The following RUNDC1 variants were observed in gnomAD, a reference collection of about 807,000 sequenced individuals.
RUNDC1 encodes RUN domain containing 1.
RUNDC1 carries 31 observed loss-of-function variants against 49.3 expected under a neutral mutation model. The ratio of observed to expected loss-of-function variants is 0.63; its 90% CI spans 0.47 to 0.85. RUNDC1 has a LOEUF of 0.85. Ranked by LOEUF, RUNDC1 falls within the 40% of genes least tolerant of loss-of-function variation. RUNDC1 has a pLI of 0.00. For synonymous variants in RUNDC1, 347 were observed against 348.6 expected, an observed-to-expected ratio of 1.00 and a Z score of 0.05; for missense variants, 715 against 806.7, an observed-to-expected ratio of 0.89 and a Z score of 1.38.
chr17:42,983,368 CTTTTTCCTTTTTTTTTTTTTTTTTT>C (rs2050128900), intron 1 of RUNDC1, among the ~76,000 whole-genome samples: 1 of 132,112 alleles, frequency 7.6e-6, no homozygotes, highest in Non-Finnish European at 1.6e-5. Flanking sequence ...CTTTTTTTTT[CTTTTTCCTTTTTTTTTTTTTTTTTT>C]TTGAGACAGA....
At chr17:42,985,659 A>G (rs2050161956) in intron 1 of RUNDC1, 23 of 823,628 alleles carry the variant, frequency 2.8e-5, no homozygotes, top group Non-Finnish European at 3.0e-5. Flanking sequence ...AGGGCTTGGT[A>G]AGTACCGTTT....
At chr17:42,982,886 C>T (rs1459585274) in intron 1 of RUNDC1, among the ~76,000 whole-genome samples, 4 of 151,122 alleles carry the variant, frequency 2.6e-5, no homozygotes, top group Non-Finnish European at 5.9e-5. Flanking sequence ...ACTCGGGAGG[C>T]TGAGGCAGGA....
At position 42,991,561 on chromosome 17, in the gene RUNDC1, T is replaced by A. The variant is rs1241228093; in HGVS notation, c.1687T>A (p.Ser563Thr). Residue 563 changes from serine to threonine, a missense_variant, in exon 5 of 5, where the codon TCA becomes ACA. Ser to Thr is a moderately conservative substitution (Grantham distance 58, BLOSUM62 1). Transcript: ENST00000361677. The part of the protein sequence containing the change: ...SWVNLICKSG[S>T]LIEPHYQPWS... ...GGTGAACCTCATCTGCAAGTCCGGG[T>A]CACTCATCGAGCCTCACTACCAGCC... 1 of 1,614,094 alleles carries A rather than the reference T, an allele frequency of 6.2e-7. No homozygotes were observed.
At chr17:42,984,470 AG>A (rs1328090983) in intron 1 of RUNDC1, among the ~76,000 whole-genome samples, 1 of 151,476 alleles carries the variant, frequency 6.6e-6, no homozygotes, top group Non-Finnish European at 1.5e-5. Context: ...GAGTAGAGAC[AG>A]GGTTTTGCCA....
rs2050262768 is a variant in RUNDC1, at chr17:42,992,837, GT to G, written c.*1122del. The G allele has an allele frequency of 6.6e-6, 1 of 152,190 alleles. No individual in the cohort carries two copies. The highest frequency in any genetic ancestry group is 1.5e-5 in the Non-Finnish European group (1 of 68,044). The allele number at this position is 152,190 out of a possible 1,614,324, so 9.4% of individuals were successfully genotyped here. A position where few individuals can be genotyped will look rare whatever the true frequency, so the allele number is the denominator to read the frequency against. On this transcript the variant is annotated 3_prime_UTR_variant, in exon 5 of 5. Coordinates refer to ENST00000361677, the MANE Select transcript of RUNDC1 (RefSeq NM_173079.5). ...AATACGAGTCCTTTTTCTTGTAGAG[GT>G]AAGTAAAATCTTCCTGACAAGGTAG...
Position 42,981,050 on chromosome 17 carries a change from GC to G in RUNDC1, c.476del (p.Pro159HisfsTer27). 1 of 1,561,738 alleles carries G rather than the reference GC, an allele frequency of 6.4e-7. No homozygotes were observed. ...AGGGCGATGGGCTGCCAGGGGACCGGCCATGGTTGCGGGGCGAGGACCAGGT... is the reference window on the plus strand; with the variant it reads ...AGGGCGATGGGCTGCCAGGGGACCGGCATGGTTGCGGGGCGAGGACCAGGT... ...DEGDGLPGDR[P>X]WLRGEDQSEQ... On this transcript the variant is annotated frameshift_variant, in exon 1 of 5. Coordinates refer to ENST00000361677, the MANE Select transcript of RUNDC1 (RefSeq NM_173079.5). LOFTEE classifies it high-confidence loss of function.
chr17:42,991,312 T>C lies in RUNDC1; in HGVS notation c.1438T>C (p.Tyr480His). 1 of 1,614,200 alleles carries C rather than the reference T, an allele frequency of 6.2e-7. No homozygotes were observed. Residue 480 changes from tyrosine to histidine, a missense_variant, in exon 5 of 5, where the codon TAC becomes CAC. Physicochemically the swap from Tyr to His is moderately conservative, Grantham distance 83. Coordinates refer to ENST00000361677, the MANE Select transcript of RUNDC1 (RefSeq NM_173079.5). ...MHPWELFVKY[Y>H]HAKNGRAYVE... ...CCCGTGGGAGCTCTTTGTAAAGTACTACCATGCTAAGAACGGCCGTGCTTA... is the reference window on the plus strand; with the variant it reads ...CCCGTGGGAGCTCTTTGTAAAGTACCACCATGCTAAGAACGGCCGTGCTTA...
chr17:42,987,437 T>A (rs1207922151), intron 2 of RUNDC1, 23 bp downstream of exon 2: 2 of 1,611,516 alleles, frequency 1.2e-6, no homozygotes, highest in East Asian at 2.2e-5. Context: ...CAGAGGAACC[T>A]CCACCACTGC....
At chr17:42,986,390 T>G (rs2050171645) in intron 1 of RUNDC1, among the ~76,000 whole-genome samples, 1 of 152,190 alleles carries the variant, frequency 6.6e-6, no homozygotes, top group African/African-American at 2.4e-5. Context: ...GTGCTGCAGT[T>G]ACAGGCGTGA....
rs769009435 is a variant in RUNDC1, at chr17:42,991,305, A to G, written c.1431A>G (p.Val477=). ...CCATGCACCCGTGGGAGCTCTTTGTAAAGTACTACCATGCTAAGAACGGCC... is the reference window on the plus strand; with the variant it reads ...CCATGCACCCGTGGGAGCTCTTTGTGAAGTACTACCATGCTAAGAACGGCC... The part of the protein sequence containing the change: ...PEAMHPWELF[V]KYYHAKNGRA... Residue 477 remains valine, a synonymous_variant, in exon 5 of 5, where the codon GTA becomes GTG. Coordinates refer to ENST00000361677, the MANE Select transcript of RUNDC1 (RefSeq NM_173079.5). The G allele has an allele frequency of 3.7e-6, 6 of 1,614,090 alleles. No homozygotes were observed. The highest frequency in any genetic ancestry group is 5.1e-6 in the Non-Finnish European group (6 of 1,180,016).
chr17:42,993,572 A>G lies in RUNDC1; in HGVS notation c.*1856A>G, dbSNP rs1342708686. 2 of 152,226 alleles carry G rather than the reference A, an allele frequency of 1.3e-5. No individual in the cohort carries two copies. Among genetic ancestry groups the G allele is most frequent in the African/African-American group, 2.4e-5 (1 of 41,458 alleles). 9.4% of individuals were successfully genotyped at this position (152,226 alleles called of 1,614,324 possible). A position where few individuals can be genotyped will look rare whatever the true frequency, so the allele number is the denominator to read the frequency against. ...GAAAATGATACATATGTGGATGCTA[A>G]TGAAATCATAGTATTTTGTGTAGCT... On this transcript the variant is annotated 3_prime_UTR_variant, in exon 5 of 5. Coordinates refer to ENST00000361677, the MANE Select transcript of RUNDC1 (RefSeq NM_173079.5).
intron 2 of RUNDC1, among the ~76,000 whole-genome samples, chr17:42,987,886 G>A (rs1419238331): frequency 6.6e-6 from 1 of 152,062 alleles, no homozygotes; most frequent in Non-Finnish European, 1.5e-5. Flanking sequence ...CCAAGTAACT[G>A]GGATTATAGG....
chr17:42,989,598 C>A, intron 3 of RUNDC1, 59 bp downstream of exon 3: 1 of 1,457,386 alleles, frequency 6.9e-7, no homozygotes, highest in Non-Finnish European at 9.6e-7. Context: ...TATACTTATT[C>A]TAAGTACTAG....
At chr17:42,990,776 C>T in intron 4 of RUNDC1, 75 bp from the exon 5 acceptor site, 1 of 1,498,548 alleles carries the variant, frequency 6.7e-7, no homozygotes, top group African/African-American at 1.4e-5. Flanking sequence ...AGACTGATCT[C>T]AGCCTGTGAT....
chr17:42,989,594 T>TAG, intron 3 of RUNDC1, 55 bp downstream of exon 3: 1 of 1,490,152 alleles, frequency 6.7e-7, no homozygotes, highest in Non-Finnish European at 9.3e-7. Flanking sequence ...TAATTATACT[T>TAG]ATTCTAAGTA....
chr17:42,991,564 C>G lies in RUNDC1; in HGVS notation c.1690C>G (p.Leu564Val), dbSNP rs1188985115. Reference protein sequence around the residue: ...WVNLICKSGSLIEPHYQPWSY... With the variant: ...WVNLICKSGSVIEPHYQPWSY... The stretch of plus-strand genomic sequence containing the variant: ...GAACCTCATCTGCAAGTCCGGGTCA[C>G]TCATCGAGCCTCACTACCAGCCCTG... The change falls in exon 5 of 5, where the codon CTC becomes GTC. Residue 564 changes from leucine to valine, a missense_variant. By Grantham distance (32) the Leu-to-Val change is conservative. Around this residue, in one of 5 missense-constraint regions of RUNDC1, gnomAD observed 425 missense variants for 499.7 expected, o/e 0.85. Coordinates refer to ENST00000361677, the MANE Select transcript of RUNDC1 (RefSeq NM_173079.5). The G allele has an allele frequency of 6.2e-7, 1 of 1,614,202 alleles. No individual in the cohort carries two copies.
At position 42,990,077 on chromosome 17, in the gene RUNDC1, G is replaced by A. The variant is rs144029379; in HGVS notation, c.857-240G>A. Among the ~76,000 whole-genome samples, 1,471 of 152,260 alleles carry A rather than the reference G, an allele frequency of 9.7e-3. 29 individuals carry two copies. The highest frequency in any genetic ancestry group is 0.034 in the African/African-American group (1,404 of 41,546). On this transcript the variant is annotated intron_variant, in intron 3 of 4. Transcript: ENST00000361677. ...TCATACTCATTGGTTTTATGTCCTTGAGCATGTTACTAACTCTTCAGTCTC... is the reference window on the plus strand; with the variant it reads ...TCATACTCATTGGTTTTATGTCCTTAAGCATGTTACTAACTCTTCAGTCTC...
At chr17:42,981,619 C>G (rs893057334) in intron 1 of RUNDC1, 1 of 152,444 alleles carries the variant, frequency 6.6e-6, no homozygotes, top group African/African-American at 2.4e-5. Flanking sequence ...AAACACAACT[C>G]TTGATTAGAT....
Position 42,980,916 on chromosome 17 carries a change from G to A in RUNDC1, c.340G>A (p.Gly114Arg), listed in dbSNP as rs1486300295. 6.5e-7 allele frequency: 1 copy of A among 1,530,516 alleles called. No individual in the cohort carries two copies. The highest frequency in any genetic ancestry group is 8.7e-7 in the Non-Finnish European group (1 of 1,145,122). The allele number at this position is 1,530,516 out of a possible 1,614,324, so 94.8% of individuals were successfully genotyped here. ...VQFRLRQVVR[G>R]APAEQQRLLR... ...GTTCCGCCTGCGCCAGGTGGTGCGC[G>A]GGGCGCCGGCGGAGCAGCAGCGCCT... The change falls in exon 1 of 5, where the codon GGG becomes AGG. Residue 114 changes from glycine to arginine, a missense_variant. Around this residue, in one of 5 missense-constraint regions of RUNDC1, gnomAD observed 113 missense variants for 93.4 expected, o/e 1.21. Coordinates refer to ENST00000361677, the MANE Select transcript of RUNDC1 (RefSeq NM_173079.5).
Sources: gnomAD v4.1 joint callset for allele counts (sites outside exome capture counted in the v4.1 genomes callset) on GRCh38, gnomAD v4.1.1 for gene constraint, gnomAD v4.1.1 regional missense constraint, MANE v1.5 for transcripts, NCBI Gene and HGNC (gene_info 2026-07-23, HGNC 2026-07-21) for gene names.